Variants in GALNS observed in about 807,000 individuals in gnomAD.
The protein encoded by GALNS is N-acetylgalactosamine-6-sulfatase.
A neutral mutation model predicts 65.9 loss-of-function variants in GALNS; 65 were observed. The observed-to-expected ratio is 0.99, with a 90% CI of 0.81 to 1.21. The LOEUF (loss-of-function observed/expected upper bound fraction) is 1.21. Ranked by LOEUF, GALNS falls within the 50% of genes most tolerant of loss-of-function variation. GALNS has a pLI of 0.00. For synonymous variants in GALNS, 346 were observed against 288.9 expected (o/e 1.20, Z -2.00); for missense variants, 776 against 700.7 (o/e 1.11, Z -1.21).
intron 1 of GALNS, among the ~76,000 whole-genome samples, chr16:88,846,454 C>T (rs1967246444): frequency 6.6e-6 from 1 of 151,712 alleles, no homozygotes; most frequent in Admixed American, 6.6e-5. Flanking sequence ...GAGGTCCTGC[C>T]CACACCTTGA....
chr16:88,840,159 G>A (rs1328828388), intron 4 of GALNS, among the ~76,000 whole-genome samples: 3 of 152,214 alleles, frequency 2.0e-5, no homozygotes, highest in East Asian at 3.8e-4. Context: ...GAAGAATGAT[G>A]AAGTGCTCCC....
At chr16:88,815,582 G>A (rs892242840) in intron 13 of GALNS, 1 of 985,364 alleles carries the variant, frequency 1.0e-6, no homozygotes, top group East Asian at 1.1e-4. Flanking sequence ...AGCCTTCTTG[G>A]CTGAAATGAG....
rs1032899866 is a variant in GALNS, at chr16:88,835,616, G to A, written c.758+109C>T. ...GGCTTCAAAGGGGTGGGGTTGCTCTGGCCTTTCCATAATTGGCCTAAATGC... is the reference window on the plus strand; with the variant it reads ...GGCTTCAAAGGGGTGGGGTTGCTCTAGCCTTTCCATAATTGGCCTAAATGC... On this transcript the variant is annotated intron_variant, in intron 7 of 13. Coordinates refer to ENST00000268695, the MANE Select transcript of GALNS (RefSeq NM_000512.5). 6.5e-6 allele frequency: 10 copies of A among 1,540,776 alleles called. No homozygotes were observed. The African/African-American group carries it at 1.4e-4, about 21-fold the overall frequency.
rs1909407874 is a variant in GALNS at position 88,814,335 on chromosome 16, G to C, written c.*104C>G. Reference sequence around the variant, plus strand: ...CTGCGTCTGCAGGTGCTGTCTGTCTGGCTTGGGCAGGGTTGGGGGAGGACC... The same window carrying C: ...CTGCGTCTGCAGGTGCTGTCTGTCTCGCTTGGGCAGGGTTGGGGGAGGACC... On this transcript the variant is annotated 3_prime_UTR_variant, in exon 14 of 14. Transcript: ENST00000268695. 1.4e-6 allele frequency: 2 copies of C among 1,451,126 alleles called. No homozygotes were observed. The highest frequency in any genetic ancestry group is 3.9e-5 in the Admixed American group (2 of 50,816). 89.9% of individuals were successfully genotyped at this position (1,451,126 alleles called of 1,614,324 possible).
chr16:88,816,098 T>C, intron 13 of GALNS: 1 of 985,410 alleles, frequency 1.0e-6, no homozygotes, highest in Non-Finnish European at 1.2e-6. Flanking sequence ...CAGACCCCAG[T>C]GGCTCAGCTC....
At chr16:88,854,596 G>T (rs1371970329) in intron 1 of GALNS, among the ~76,000 whole-genome samples, 1 of 152,240 alleles carries the variant, frequency 6.6e-6, no homozygotes, top group African/African-American at 2.4e-5. Context: ...GCTTGGCGCA[G>T]GGCTGAGACC....
At chr16:88,844,664 A>C (rs1275731513) in intron 1 of GALNS, 1 of 152,342 alleles carries the variant, frequency 6.6e-6, no homozygotes, top group Non-Finnish European at 1.5e-5. Flanking sequence ...CACCTGGGAA[A>C]GACAACACAT....
intron 13 of GALNS, chr16:88,816,675 C>T: frequency 1.0e-6 from 1 of 985,458 alleles, no homozygotes; most frequent in Non-Finnish European, 1.2e-6. Context: ...CCTGTTACAT[C>T]CGCCGGCCCA....
intron 1 of GALNS, among the ~76,000 whole-genome samples, chr16:88,850,306 C>T (rs550136002): frequency 2.0e-5 from 3 of 152,304 alleles, no homozygotes; most frequent in Admixed American, 6.5e-5. Context: ...CTGCAGGCTG[C>T]GTCCTGAGGC....
chr16:88,845,307 T>G (rs191950519), intron 1 of GALNS: 1 of 152,192 alleles, frequency 6.6e-6, no homozygotes, highest in South Asian at 2.1e-4. Context: ...GCCAAGATTG[T>G]ACCACTGCAC....
chr16:88,852,480 C>T (rs967729193), intron 1 of GALNS, among the ~76,000 whole-genome samples: 1 of 152,220 alleles, frequency 6.6e-6, no homozygotes, highest in African/African-American at 2.4e-5. Flanking sequence ...CTCTTCTCCT[C>T]CAAAGGATCG....
chr16:88,831,902 G>C (rs1911542025), intron 9 of GALNS, 96 bp downstream of exon 9: 1 of 1,005,482 alleles, frequency 9.9e-7, no homozygotes, highest in African/African-American at 1.6e-5. Flanking sequence ...ATGAGCACGG[G>C]GTGCATGGGG....
intron 10 of GALNS, among the ~76,000 whole-genome samples, chr16:88,825,577 A>C (rs2341661): frequency 1.7e-5 from 1 of 59,570 alleles, no homozygotes; most frequent in African/African-American, 4.6e-5. Context: ...ATTCCTGGGC[A>C]GCTGGGGCTG....
At chr16:88,856,228 G>C in intron 1 of GALNS, 1 of 703,056 alleles carries the variant, frequency 1.4e-6, no homozygotes, top group Non-Finnish European at 2.6e-6. Context: ...ATTCTCCAGA[G>C]GACAGAGACA....
intron 8 of GALNS, among the ~76,000 whole-genome samples, chr16:88,834,368 G>A (rs1360273013): frequency 5.0e-5 from 7 of 138,996 alleles, no homozygotes; most frequent in African/African-American, 1.9e-4. Flanking sequence ...CCCCCCCCGC[G>A]TGGTCTGGGA....
intron 1 of GALNS, chr16:88,855,605 T>A (rs919304595): frequency 4.5e-5 from 29 of 645,080 alleles, no homozygotes; most frequent in Non-Finnish European, 7.2e-5. Flanking sequence ...AAATTATGGG[T>A]GGTGTCTGTT....
At position 88,840,995 on chromosome 16, in the gene GALNS, T is replaced by C. The variant is rs776341313; in HGVS notation, c.419A>G (p.Lys140Arg). 2 of 1,612,796 alleles carry C rather than the reference T, an allele frequency of 1.2e-6. No homozygotes were observed. Among genetic ancestry groups the C allele is most frequent in the Non-Finnish European group, 1.7e-6 (2 of 1,179,526 alleles). ...CAGGCGTGGCCAGGAGACTTACCACTTGCCGACAATCTTGCTGACGTAGCC... is the reference window on the plus strand; with the variant it reads ...CAGGCGTGGCCAGGAGACTTACCACCTGCCGACAATCTTGCTGACGTAGCC... ...KAGYVSKIVG[K>R]WHLGHRPQFH... Residue 140 changes from lysine to arginine, a missense_variant, in exon 4 of 14, where the codon AAG (lysine) becomes AGG (arginine). Physicochemically the swap from Lys to Arg is conservative, Grantham distance 26. Coordinates refer to ENST00000268695, the MANE Select transcript of GALNS (RefSeq NM_000512.5).
intron 13 of GALNS, chr16:88,817,498 T>C: frequency 1.0e-6 from 1 of 985,336 alleles, no homozygotes; most frequent in Non-Finnish European, 1.2e-6. Context: ...ACCTCGCAGG[T>C]GGGCCCTGGG....
chr16:88,814,829 G>A lies in GALNS; in HGVS notation c.1483-304C>T, dbSNP rs575563218. On this transcript the variant is annotated intron_variant, in intron 13 of 13. Transcript: ENST00000268695. ...TTGACCAGGCTGGTCTTGAACTCCTGACCTCGTGATCCACCTGCCTTGGCC... is the reference window on the plus strand; with the variant it reads ...TTGACCAGGCTGGTCTTGAACTCCTAACCTCGTGATCCACCTGCCTTGGCC... Among the ~76,000 whole-genome samples the A allele has an allele frequency of 3.3e-5, 5 of 152,280 alleles. No homozygotes were observed. The South Asian group carries it at 1.0e-3, about 32-fold the overall frequency.
Sources: allele counts gnomAD v4.1 joint callset (sites outside exome capture counted in the v4.1 genomes callset), GRCh38; gene constraint gnomAD v4.1.1; transcripts MANE v1.5; gene names NCBI Gene and HGNC (gene_info 2026-07-23, HGNC 2026-07-21).